TUB: variants seen among roughly 807,000 people sequenced by gnomAD.
The protein encoded by TUB is TUB bipartite transcription factor.
TUB carries 33 observed loss-of-function variants against 59.7 expected under a neutral mutation model. The observed-to-expected ratio is 0.55, with a 90% CI of 0.42 to 0.74. The LOEUF is 0.74. Among genes scored for constraint, TUB ranks in the 30% least tolerant of loss-of-function variants. The pLI is 0.00. For synonymous variants in TUB, 293 were observed against 256.4 expected, an observed-to-expected ratio of 1.14 and a Z score of -1.36; for missense variants, 659 against 672.0, an observed-to-expected ratio of 0.98 and a Z score of 0.21.
At chr11:8,031,816 C>A (rs1386495631) in intron 1 of TUB, among the ~76,000 whole-genome samples, 1 of 152,202 alleles carries the variant, frequency 6.6e-6, no homozygotes, top group Non-Finnish European at 1.5e-5. Context: ...GGCCACAGGG[C>A]CAGTCTCGCA....
upstream of TUB, among the ~76,000 whole-genome samples, chr11:8,034,418 G>T (rs1434013356): frequency 1.3e-5 from 2 of 152,150 alleles, no homozygotes; most frequent in Non-Finnish European, 2.9e-5. Flanking sequence ...TGTTGGCAGA[G>T]TCCAGGCCAG....
At chr11:8,066,981 A>G (rs1306320633) in intron 2 of TUB, among the ~76,000 whole-genome samples, 2 of 152,160 alleles carry the variant, frequency 1.3e-5, no homozygotes, top group Non-Finnish European at 2.9e-5. Context: ...ATCACCGTGT[A>G]CAGATGGAGC....
In TUB at chr11:8,105,808, C is replaced by T. The variant is rs190367788; in HGVS notation, c.*4189C>T. ...CTCTGTGCTCCTGTCCCTCCCTCCCCCTAGCAAGGTCCAGGCAAAGCTGGA... is the reference window on the plus strand; with the variant it reads ...CTCTGTGCTCCTGTCCCTCCCTCCCTCTAGCAAGGTCCAGGCAAAGCTGGA... On this transcript the variant is annotated 3_prime_UTR_variant, in exon 12 of 12. Coordinates refer to ENST00000299506, the MANE Select transcript of TUB (RefSeq NM_177972.3). The T allele has an allele frequency of 1.8e-4, 27 of 152,354 alleles. No individual in the cohort carries two copies. The highest frequency in any genetic ancestry group is 6.5e-4 in the African/African-American group (27 of 41,546). 9.4% of individuals were successfully genotyped at this position (152,354 alleles called of 1,614,324 possible).
intron 1 of TUB, chr11:8,039,108 A>G: frequency 3.3e-6 from 5 of 1,523,404 alleles, no homozygotes; most frequent in Non-Finnish European, 4.4e-6. Flanking sequence ...ACTGACCTCA[A>G]CCCTTTACAG....
At chr11:8,083,159 A>G (rs889544320) in intron 1 of TUB, among the ~76,000 whole-genome samples, 1 of 152,168 alleles carries the variant, frequency 6.6e-6, no homozygotes, top group Non-Finnish European at 1.5e-5. Flanking sequence ...GAGCGTCATC[A>G]ACCTTTTCTA....
chr11:8,084,559 G>GCC (rs778030203), intron 1 of TUB, among the ~76,000 whole-genome samples: 11 of 152,196 alleles, frequency 7.2e-5, no homozygotes, highest in African/African-American at 2.7e-4. Context: ...GATTGGGGTG[G>GCC]CCCCGTCCTC....
At position 8,098,824 on chromosome 11, in the gene TUB, C is replaced by A. The variant is rs552374840; in HGVS notation, c.1065C>A (p.Ser355=). 2.5e-6 allele frequency: 4 copies of A among 1,614,078 alleles called. No homozygotes were observed. Among genetic ancestry groups the A allele is most frequent in the Non-Finnish European group, 2.5e-6 (3 of 1,180,046 alleles). Residue 355 remains serine (S), a synonymous_variant, in exon 9 of 12, where the codon TCC becomes TCA. Coordinates refer to ENST00000299506, the MANE Select transcript of TUB (RefSeq NM_177972.3). ...DNGVNPQKAS[S]STLESGTLRQ... is the part of the protein sequence containing the mutation. ...GAGTCAACCCTCAGAAGGCCTCATC[C>A]TCCACTTTGGAAAGTGGAACCTTAC...
In TUB at chr11:8,081,445, C is replaced by A. The variant is rs1943560053; in HGVS notation, c.-66C>A. The A allele has an allele frequency of 1.2e-5, 16 of 1,343,078 alleles. No homozygotes were observed. The highest frequency in any genetic ancestry group is 2.8e-4 in the Middle Eastern group (1 of 3,608). The allele number at this position is 1,343,078 out of a possible 1,614,324, so 83.2% of individuals were successfully genotyped here. A position where few individuals can be genotyped will look rare whatever the true frequency, so the allele number is the denominator to read the frequency against. ...GGGGCGGCCCGGGAGCTGAGCAGGG[C>A]CCCCGCGCCGGCCCCTCCGGGCCCC... On this transcript the variant is annotated 5_prime_UTR_variant, in exon 1 of 12. Coordinates refer to ENST00000299506, the MANE Select transcript of TUB (RefSeq NM_177972.3).
intron 1 of TUB, among the ~76,000 whole-genome samples, chr11:8,022,160 T>C (rs1291382172): frequency 6.6e-6 from 1 of 152,188 alleles, no homozygotes; most frequent in Non-Finnish European, 1.5e-5. Context: ...AGCTGGTTTG[T>C]CTACTCTCCA....
intron 2 of TUB, among the ~76,000 whole-genome samples, chr11:8,059,054 C>T (rs1943073176): frequency 6.6e-6 from 1 of 152,174 alleles, no homozygotes; most frequent in African/African-American, 2.4e-5. Flanking sequence ...TGTCTCCTTA[C>T]TGTGCAGACG....
intron 11 of TUB, 82 bp from the exon 12 acceptor site, chr11:8,101,404 G>A: frequency 6.4e-7 from 1 of 1,556,004 alleles, no homozygotes; most frequent in East Asian, 2.3e-5. Context: ...CCCTCATGTG[G>A]TTTGGGTGTC....
chr11:8,052,035 C>T (rs1035852148), intron 2 of TUB, among the ~76,000 whole-genome samples: 5 of 152,212 alleles, frequency 3.3e-5, no homozygotes, highest in Admixed American at 6.5e-5. Flanking sequence ...TGGTCATTCT[C>T]ACGTCGATAC....
intron 1 of TUB, among the ~76,000 whole-genome samples, chr11:8,084,966 A>G (rs974985044): frequency 3.9e-5 from 6 of 152,306 alleles, no homozygotes; most frequent in South Asian, 2.1e-4. Context: ...ATTTCTTTCA[A>G]GTTCTTCCTT....
chr11:8,020,525 A>G (rs1942408723), intron 1 of TUB, among the ~76,000 whole-genome samples: 1 of 152,068 alleles, frequency 6.6e-6, no homozygotes, highest in Non-Finnish European at 1.5e-5. Flanking sequence ...CCTCTTTACT[A>G]GTGATCTCTC....
At chr11:8,074,778 G>A (rs1347308734) in intron 2 of TUB, among the ~76,000 whole-genome samples, 23 of 117,348 alleles carry the variant, frequency 2.0e-4, no homozygotes, top group African/African-American at 6.7e-4. Flanking sequence ...ACGGAGTCTC[G>A]CTCTGTCACC....
At chr11:8,040,161 C>T (rs367968485) in intron 2 of TUB, among the ~76,000 whole-genome samples, 93 of 152,312 alleles carry the variant, frequency 6.1e-4, no homozygotes, top group East Asian at 4.6e-3. Context: ...CCCGGGGTGC[C>T]GTCCCAAGCC....
intron 3 of TUB, among the ~76,000 whole-genome samples, chr11:8,092,050 T>TTGGAA (rs1943793603): frequency 6.6e-6 from 1 of 152,206 alleles, no homozygotes; most frequent in Non-Finnish European, 1.5e-5. Context: ...TGCAGTCGTT[T>TTGGAA]TGGAAGGTAT....
Position 8,105,957 on chromosome 11 carries a change from C to CTAGACTGTGTATGTCT in TUB, c.*4339_*4354dup, listed in dbSNP as rs1173144130. 6.6e-6 allele frequency: 1 copy of CTAGACTGTGTATGTCT among 152,106 alleles called. No individual in the cohort carries two copies. The highest frequency in any genetic ancestry group is 1.5e-5 in the Non-Finnish European group (1 of 67,974). 9.4% of individuals were successfully genotyped at this position (152,106 alleles called of 1,614,324 possible). A position where few individuals can be genotyped will look rare whatever the true frequency, so the allele number is the denominator to read the frequency against. On this transcript the variant is annotated 3_prime_UTR_variant, in exon 12 of 12. Coordinates refer to ENST00000299506, the MANE Select transcript of TUB (RefSeq NM_177972.3). ...GGAACACAGCCAGTTTTCACAATGCCTAGACTGTGTATGTCTATTTGCACA... is the reference window on the plus strand; with the variant it reads ...GGAACACAGCCAGTTTTCACAATGCCTAGACTGTGTATGTCTTAGACTGTGTATGTCTATTTGCACA...
rs568948267 is a variant in TUB at position 8,096,606 on chromosome 11, T to C, written c.566-79T>C. On this transcript the variant is annotated intron_variant, in intron 5 of 11. Coordinates refer to ENST00000299506, the MANE Select transcript of TUB (RefSeq NM_177972.3). ...GTACAGGTGAGTCAGTGTCTGAACA[T>C]GAGTATGTGACCATGTGTATTTCAG... The C allele has an allele frequency of 8.3e-4, 787 of 948,932 alleles. 2 individuals are homozygous for C. The highest frequency in any genetic ancestry group is 1.1e-3 in the Non-Finnish European group (626 of 578,098). The allele number at this position is 948,932 out of a possible 1,614,324, so 58.8% of individuals were successfully genotyped here. A position where few individuals can be genotyped will look rare whatever the true frequency, so the allele number is the denominator to read the frequency against.
Sources: gnomAD v4.1 joint callset for allele counts (sites outside exome capture counted in the v4.1 genomes callset) on GRCh38, gnomAD v4.1.1 for gene constraint, MANE v1.5 for transcripts, NCBI Gene and HGNC (gene_info 2026-07-23, HGNC 2026-07-21) for gene names.